The following CORO7 variants were observed in gnomAD, a reference collection of about 807,000 sequenced individuals.
The protein encoded by CORO7 is coronin 7, also known as coronin-7.
In CORO7, 107 loss-of-function variants were observed where a neutral mutation model predicts 126.6. The ratio of observed to expected loss-of-function variants is 0.85; its 90% CI spans 0.72 to 0.99. The LOEUF is 0.99. Ranked by LOEUF, CORO7 falls within the 50% of genes least tolerant of loss-of-function variation. The pLI is 0.00. For synonymous variants in CORO7, 603 were observed against 536.8 expected (o/e 1.12, Z -1.70); for missense variants, 1,314 against 1,255.8 (o/e 1.05, Z -0.70).
chr16:4,381,318 C>G, intron 9 of CORO7: 1 of 1,611,478 alleles, frequency 6.2e-7, no homozygotes. Flanking sequence ...TCGACACGCT[C>G]GACCGCCTCC....
chr16:4,371,201 A>T (rs186232126), intron 9 of CORO7, among the ~76,000 whole-genome samples: 232 of 152,160 alleles, frequency 1.5e-3, no homozygotes, highest in African/African-American at 5.1e-3. Context: ...CCTTCATCTC[A>T]TAATATGGTG....
At chr16:4,387,211 T>C (rs1164198700) in intron 9 of CORO7, among the ~76,000 whole-genome samples, 1 of 151,942 alleles carries the variant, frequency 6.6e-6, no homozygotes, top group African/African-American at 2.4e-5. Context: ...AGCTGTGTTG[T>C]GGGTGGTCTG....
chr16:4,380,399 C>T (rs985999248), intron 9 of CORO7, among the ~76,000 whole-genome samples: 1 of 152,258 alleles, frequency 6.6e-6, no homozygotes, highest in African/African-American at 2.4e-5. Flanking sequence ...GAGGGCGGGA[C>T]ACGGAGCGTG....
chr16:4,356,094 C>T (rs2053969117), intron 26 of CORO7, among the ~76,000 whole-genome samples: 1 of 152,136 alleles, frequency 6.6e-6, no homozygotes, highest in Middle Eastern at 3.2e-3. Flanking sequence ...GCTGGGATTA[C>T]AGGTATGCGC....
At chr16:4,380,671 T>C (rs972941381) in intron 9 of CORO7, among the ~76,000 whole-genome samples, 3 of 152,184 alleles carry the variant, frequency 2.0e-5, no homozygotes, top group African/African-American at 7.2e-5. Context: ...TCTGTGTGCA[T>C]TGACAAGGTC....
At chr16:4,398,658 T>A in intron 6 of CORO7, among the ~76,000 whole-genome samples, 1 of 131,184 alleles carries the variant, frequency 7.6e-6, no homozygotes, top group Non-Finnish European at 1.6e-5. Context: ...AGAGCAAGAC[T>A]CCATCTGAAA....
chr16:4,414,774 C>T (rs1457531617), intron 1 of CORO7, among the ~76,000 whole-genome samples: 2 of 152,208 alleles, frequency 1.3e-5, no homozygotes, highest in South Asian at 4.1e-4. Flanking sequence ...CAAGTATTCT[C>T]CAGACCCCTC....
intron 1 of CORO7, among the ~76,000 whole-genome samples, chr16:4,415,050 G>T (rs928849619): frequency 1.3e-5 from 2 of 151,696 alleles, no homozygotes; most frequent in Non-Finnish European, 2.9e-5. Flanking sequence ...TTAACTTGTT[G>T]TTCAGAGGGG....
chr16:4,396,517 C>T (rs2055598569), intron 6 of CORO7, among the ~76,000 whole-genome samples: 1 of 152,148 alleles, frequency 6.6e-6, no homozygotes. Context: ...ATCATACAGC[C>T]CATACATTTT....
At chr16:4,414,663 A>G (rs1376374984) in intron 1 of CORO7, among the ~76,000 whole-genome samples, 1 of 152,122 alleles carries the variant, frequency 6.6e-6, no homozygotes, top group Admixed American at 6.6e-5. Context: ...CCGCCTCCCT[A>G]ACATAAACTG....
At chr16:4,375,009 C>G (rs961404367) in intron 9 of CORO7, among the ~76,000 whole-genome samples, 4 of 152,100 alleles carry the variant, frequency 2.6e-5, no homozygotes, top group Non-Finnish European at 5.9e-5. Context: ...TGCCGCGTGC[C>G]GAAAGTGGCA....
chr16:4,360,627 C>T, intron 19 of CORO7, 79 bp from the exon 20 acceptor site: 1 of 1,507,160 alleles, frequency 6.6e-7, no homozygotes, highest in African/African-American at 1.4e-5. Flanking sequence ...TGCCCCTCCT[C>T]ACTGCTGGCG....
chr16:4,359,370 A>G lies in CORO7; in HGVS notation c.2266T>C (p.Phe756Leu), dbSNP rs761973189. 6.2e-7 allele frequency: 1 copy of G among 1,613,628 alleles called. No individual in the cohort carries two copies. The highest frequency in any genetic ancestry group is 1.7e-5 in the Admixed American group (1 of 59,984). Reference sequence around the variant, plus strand: ...GACTCGGGGAGCAGCTCGTACAGGAATACACGGGTGTCGCCCTGCGGGGAA... The same window carrying G: ...GACTCGGGGAGCAGCTCGTACAGGAGTACACGGGTGTCGCCCTGCGGGGAA... ...LLTGKGDTRV[F>L]LYELLPESPF... Residue 756 changes from phenylalanine (F) to leucine (L), a missense_variant, in exon 23 of 28, where the codon TTC (phenylalanine) becomes CTC (leucine). Physicochemically the swap from Phe to Leu is conservative, Grantham distance 22 (BLOSUM62 0). Coordinates refer to ENST00000251166, the MANE Select transcript of CORO7 (RefSeq NM_024535.5).
chr16:4,377,606 T>C (rs952526145), intron 9 of CORO7, among the ~76,000 whole-genome samples: 2 of 152,040 alleles, frequency 1.3e-5, no homozygotes, highest in African/African-American at 4.8e-5. Context: ...CTGGCCTCTG[T>C]CCCCTGCCAC....
chr16:4,402,925 G>A (rs1482132084), intron 6 of CORO7, among the ~76,000 whole-genome samples: 1 of 152,144 alleles, frequency 6.6e-6, no homozygotes, highest in Non-Finnish European at 1.5e-5. Flanking sequence ...AGCAGGAGGG[G>A]GCTTTGGTGG....
rs558872648 is a variant in CORO7 at position 4,360,622 on chromosome 16, C to G, written c.1918-74G>C. 95 of 1,516,970 alleles carry G rather than the reference C, an allele frequency of 6.3e-5. No individual in the cohort carries two copies. The African/African-American group carries it at 7.2e-4, about 11-fold the overall frequency. The allele number at this position is 1,516,970 out of a possible 1,614,324, so 94.0% of individuals were successfully genotyped here. Reference sequence around the variant, plus strand: ...CCACCTCTCCCCACTGCTCCTGCCCCTCCTCACTGCTGGCGCCGCCCCTCC... The same window carrying G: ...CCACCTCTCCCCACTGCTCCTGCCCGTCCTCACTGCTGGCGCCGCCCCTCC... On this transcript the variant is annotated intron_variant, in intron 19 of 27. Transcript: ENST00000251166.
chr16:4,406,735 G>A (rs1360895026), intron 5 of CORO7, among the ~76,000 whole-genome samples: 1 of 151,814 alleles, frequency 6.6e-6, no homozygotes, highest in East Asian at 1.9e-4. Flanking sequence ...TGCCTCCTGG[G>A]TTCAGGCAAT....
chr16:4,379,919 ATGGTGGCTGG>A (rs2054891643), intron 9 of CORO7, among the ~76,000 whole-genome samples: 1 of 26,182 alleles, frequency 3.8e-5, no homozygotes, highest in East Asian at 3.7e-3. Context: ...TTAGCCATGC[ATGGTGGCTGG>A]CACCTGTAGT....
rs141658847 is a variant in CORO7 at position 4,360,549 on chromosome 16, C to A, written c.1918-1G>T. 5 of 1,597,496 alleles carry A rather than the reference C, an allele frequency of 3.1e-6. No homozygotes were observed. The highest frequency in any genetic ancestry group is 2.7e-5 in the African/African-American group (2 of 74,466). ...CAGGACTCCAGGCCAGGCTGAAGATCTGGGGGCAGGAAGGGATATGAGAGA... is the reference window on the plus strand; with the variant it reads ...CAGGACTCCAGGCCAGGCTGAAGATATGGGGGCAGGAAGGGATATGAGAGA... On this transcript the variant is annotated splice_acceptor_variant, in intron 19 of 27. Transcript: ENST00000251166. LOFTEE classifies it high-confidence loss of function.
Sources: gnomAD v4.1 joint callset for allele counts (sites outside exome capture counted in the v4.1 genomes callset) on GRCh38, gnomAD v4.1.1 for gene constraint, MANE v1.5 for transcripts, NCBI Gene and HGNC (gene_info 2026-07-23, HGNC 2026-07-21) for gene names.